The following AKAP9 variants were observed in gnomAD, a reference collection of about 807,000 sequenced individuals.
The protein encoded by AKAP9 is A-kinase anchor protein 9.
In AKAP9, 311 loss-of-function variants were observed where a neutral mutation model predicts 488.5. That is an observed-to-expected ratio of 0.64 (90% CI 0.58 to 0.70). AKAP9 has a LOEUF of 0.70. Among genes scored for constraint, AKAP9 ranks in the 30% least tolerant of loss-of-function variants. AKAP9 has a pLI of 0.00. For synonymous variants in AKAP9, 1,462 were observed against 1,483.5 expected, an observed-to-expected ratio of 0.99 and a Z score of 0.33; for missense variants, 4,215 against 4,374.5, an observed-to-expected ratio of 0.96 and a Z score of 1.03.
At chr7:92,003,401 C>CT (rs200080611) in intron 8 of AKAP9, among the ~76,000 whole-genome samples, 166 bp downstream of exon 8, 31 of 149,098 alleles carry the variant, frequency 2.1e-4, no homozygotes, top group African/African-American at 4.9e-4. Flanking sequence ...CATTTAAGTA[C>CT]TTTTTTTTTT....
At chr7:92,050,013 G>A (rs947013464) in intron 21 of AKAP9, among the ~76,000 whole-genome samples, 1 of 150,452 alleles carries the variant, frequency 6.6e-6, no homozygotes, top group Non-Finnish European at 1.5e-5. Flanking sequence ...AATTTAAGAA[G>A]TGTTGAATTT....
rs1378502490 is a variant in AKAP9 at position 92,042,659 on chromosome 7, C to T, written c.5059-9C>T. 6.3e-6 allele frequency: 10 copies of T among 1,592,744 alleles called. No homozygotes were observed. The highest frequency in any genetic ancestry group is 1.3e-5 in the African/African-American group (1 of 74,422). On this transcript the variant is annotated splice_polypyrimidine_tract_variant and intron_variant, in intron 19 of 49. Coordinates refer to ENST00000356239, the MANE Select transcript of AKAP9 (RefSeq NM_005751.5). ...CTTCTCCTCTCTTCCTTTACACAAA[C>T]TTAAACAGAATGGAAATGAAAACCA...
At chr7:92,011,266 A>G (rs1038356194) in intron 8 of AKAP9, among the ~76,000 whole-genome samples, 1 of 152,240 alleles carries the variant, frequency 6.6e-6, no homozygotes, top group African/African-American at 2.4e-5. Flanking sequence ...TTTGACAAGA[A>G]TAAGAAATGA....
rs748951815 is a variant in AKAP9, at chr7:92,001,120, C to T, written c.1203C>T (p.Val401=). The T allele has an allele frequency of 2.8e-5, 45 of 1,613,686 alleles. No individual in the cohort carries two copies. Among genetic ancestry groups the T allele is most frequent in the East Asian group, 2.2e-4 (10 of 44,870 alleles). ...SEEIKQLMGT[V]EELQKRNHKD... ...AAATAAAACAGTTAATGGGGACAGTCGAAGAACTTCAGAAGAGAAATCATA... is the reference window on the plus strand; with the variant it reads ...AAATAAAACAGTTAATGGGGACAGTTGAAGAACTTCAGAAGAGAAATCATA... Residue 401 remains valine, a synonymous_variant, in exon 8 of 50, where the codon GTC becomes GTT. Transcript: ENST00000356239.
chr7:92,041,963 G>C (rs897204427), intron 18 of AKAP9, 83 bp from the exon 19 acceptor site: 27 of 1,476,828 alleles, frequency 1.8e-5, no homozygotes, highest in Non-Finnish European at 2.4e-5. Flanking sequence ...TTGGTCCCGG[G>C]GGTTAAAAGA....
intron 15 of AKAP9, 84 bp from the exon 16 acceptor site, chr7:92,031,428 T>G: frequency 1.1e-6 from 1 of 945,092 alleles, no homozygotes; most frequent in Non-Finnish European, 1.7e-6. Context: ...TACTGATACT[T>G]TGGGGAGATT....
chr7:92,003,945 T>C (rs565060457), intron 8 of AKAP9, among the ~76,000 whole-genome samples: 5 of 152,324 alleles, frequency 3.3e-5, no homozygotes, highest in African/African-American at 7.2e-5. Flanking sequence ...TTTTCTAACA[T>C]ATTTATTGAC....
chr7:92,061,516 C>A, intron 23 of AKAP9, 94 bp downstream of exon 23: 3 of 1,373,084 alleles, frequency 2.2e-6, no homozygotes, highest in Non-Finnish European at 3.0e-6. Flanking sequence ...GCCGTCAATC[C>A]AATTTAGAAT....
chr7:92,103,073 C>T (rs1011523808), intron 46 of AKAP9, among the ~76,000 whole-genome samples: 4 of 152,014 alleles, frequency 2.6e-5, no homozygotes, highest in Admixed American at 6.6e-5. Context: ...CAGAGCTGGC[C>T]TATCCAATCA....
intron 26 of AKAP9, 133 bp from the exon 27 acceptor site, chr7:92,069,897 C>T (rs1811401487): frequency 7.6e-6 from 6 of 787,428 alleles, no homozygotes; most frequent in South Asian, 7.2e-5. Context: ...ATTTCTTAAA[C>T]AGACAAACAA....
chr7:91,956,621 A>G lies in AKAP9; in HGVS notation c.48+15474A>G, dbSNP rs115075441. ...ATTGTACTTCAGCGCTTTTTTCTTC[A>G]TTACTTTCTGTGTATATAGACAGCA... On this transcript the variant is annotated intron_variant, in intron 1 of 49. Coordinates refer to ENST00000356239, the MANE Select transcript of AKAP9 (RefSeq NM_005751.5). 2.6e-3 allele frequency among the ~76,000 whole-genome samples: 390 copies of G among 152,098 alleles called. 2 individuals carry two copies. The highest frequency in any genetic ancestry group is 8.9e-3 in the African/African-American group (368 of 41,502).
intron 7 of AKAP9, among the ~76,000 whole-genome samples, chr7:91,998,586 G>C (rs1043652675): frequency 6.6e-6 from 1 of 151,608 alleles, no homozygotes; most frequent in Admixed American, 6.6e-5. Context: ...TCAGGTGTTG[G>C]ACAATTTTGA....
chr7:92,103,214 C>T (rs1193394267), intron 46 of AKAP9, among the ~76,000 whole-genome samples: 1 of 151,496 alleles, frequency 6.6e-6, no homozygotes, highest in African/African-American at 2.4e-5. Flanking sequence ...CATGGTGAAA[C>T]CCTATCTCTA....
chr7:91,975,095 A>T (rs1326462917), intron 2 of AKAP9, among the ~76,000 whole-genome samples: 1 of 151,978 alleles, frequency 6.6e-6, no homozygotes, highest in Non-Finnish European at 1.5e-5. Context: ...CAGGAGATCC[A>T]CCCACCTTGG....
At position 92,093,319 on chromosome 7, in the gene AKAP9, G is replaced by C. The variant is rs780959241; in HGVS notation, c.9578+3G>C. ...CTAAAAGAATTGGAGGCTTTCAGGTGTGCCAGGCTTCCTTATTAAAAACAT... is the reference window on the plus strand; with the variant it reads ...CTAAAAGAATTGGAGGCTTTCAGGTCTGCCAGGCTTCCTTATTAAAAACAT... On this transcript the variant is annotated splice_donor_region_variant and intron_variant, in intron 39 of 49. Coordinates refer to ENST00000356239, the MANE Select transcript of AKAP9 (RefSeq NM_005751.5). 1 of 1,613,536 alleles carries C rather than the reference G, an allele frequency of 6.2e-7. No individual in the cohort carries two copies.
intron 9 of AKAP9, among the ~76,000 whole-genome samples, chr7:92,013,152 C>T (rs891065309): frequency 2.0e-5 from 3 of 150,364 alleles, no homozygotes; most frequent in South Asian, 2.1e-4. Context: ...CCACTACGCC[C>T]GGCTAATTTT....
At chr7:92,074,836 G>A (rs1219829152) in intron 28 of AKAP9, among the ~76,000 whole-genome samples, 1 of 152,076 alleles carries the variant, frequency 6.6e-6, no homozygotes, top group African/African-American at 2.4e-5. Flanking sequence ...CACAGGGAGG[G>A]AAACATCACA....
At position 92,079,222 on chromosome 7, in the gene AKAP9, G is replaced by C; in HGVS notation, c.7089G>C (p.Leu2363Phe). 1 of 1,613,954 alleles carries C rather than the reference G, an allele frequency of 6.2e-7. No individual in the cohort carries two copies. ...NEVIEKLQQE[L>F]ANIGQKTSMN... ...TGATTGAAAAACTTCAACAGGAATTGGCAAATATTGGACAGAAGACATCAA... is the reference window on the plus strand; with the variant it reads ...TGATTGAAAAACTTCAACAGGAATTCGCAAATATTGGACAGAAGACATCAA... The change falls in exon 31 of 50, where the codon TTG (leucine) becomes TTC (phenylalanine). Residue 2363 changes from leucine (L) to phenylalanine (F), a missense_variant. Physicochemically the swap from Leu to Phe is conservative, Grantham distance 22 (BLOSUM62 0). This residue lies in a region of AKAP9 where 1,476 missense variants were observed against 1,477.4 expected (regional missense o/e 1.00). Coordinates refer to ENST00000356239, the MANE Select transcript of AKAP9 (RefSeq NM_005751.5).
In AKAP9 at chr7:92,002,217, A is replaced by G; in HGVS notation, c.2300A>G (p.Gln767Arg). The G allele has an allele frequency of 6.3e-7, 1 of 1,590,816 alleles. No homozygotes were observed. The highest frequency in any genetic ancestry group is 8.5e-7 in the Non-Finnish European group (1 of 1,174,078). ...KQMKEKENDL[Q>R]EKFAQLEAEN... is the part of the protein sequence containing the mutation. ...ATGAAGGAAAAAGAGAATGATCTTC[A>G]AGAAAAATTTGCACAACTTGAAGCA... Residue 767 changes from glutamine (Q) to arginine (R), a missense_variant, in exon 8 of 50, where the codon CAA becomes CGA. Physicochemically the swap from Gln to Arg is conservative, Grantham distance 43. Transcript: ENST00000356239.
Sources: gnomAD v4.1 joint callset for allele counts (sites outside exome capture counted in the v4.1 genomes callset) on GRCh38, gnomAD v4.1.1 for gene constraint, gnomAD v4.1.1 regional missense constraint, MANE v1.5 for transcripts, NCBI Gene and HGNC (gene_info 2026-07-23, HGNC 2026-07-21) for gene names.